BSPH1: variants seen among roughly 807,000 people sequenced by gnomAD.
The protein encoded by BSPH1 is binder of sperm protein homolog 1.
BSPH1 carries 21 observed loss-of-function variants against 22.5 expected under a neutral mutation model. The observed-to-expected ratio is 0.93, with a 90% CI of 0.66 to 1.35. The LOEUF (loss-of-function observed/expected upper bound fraction) is 1.35, where lower values mean the gene tolerates loss of function less well. BSPH1 is among the 40% of genes most tolerant of loss of function. BSPH1 has a pLI of 0.00. For synonymous variants in BSPH1, 42 were observed against 53.6 expected (o/e 0.78, Z 0.95); for missense variants, 141 against 154.2 (o/e 0.91, Z 0.45).
chr19:47,986,675 G>T (rs1022113746), intron 1 of BSPH1, among the ~76,000 whole-genome samples: 2 of 151,866 alleles, frequency 1.3e-5, no homozygotes, highest in Non-Finnish European at 2.9e-5. Context: ...AGCCTGGGAG[G>T]TCAAGACTGC....
chr19:47,977,524 T>G lies in BSPH1; in HGVS notation c.125-20A>C, dbSNP rs1220056633. 1.2e-5 allele frequency: 19 copies of G among 1,550,912 alleles called. No homozygotes were observed. The highest frequency in any genetic ancestry group is 1.7e-5 in the Non-Finnish European group (19 of 1,146,608). ...CCCCATCTAGAGAAAACAAAATTCT[T>G]CCTCTGTTTCTGGGTGTGTTAGGAG... On this transcript the variant is annotated intron_variant, in intron 3 of 5. Coordinates refer to ENST00000344839, the MANE Select transcript of BSPH1 (RefSeq NM_001128326.2).
chr19:47,981,544 A>AT (rs1969419964), intron 1 of BSPH1, among the ~76,000 whole-genome samples: 1 of 152,224 alleles, frequency 6.6e-6, no homozygotes, highest in Non-Finnish European at 1.5e-5. Context: ...GTTAGGTTCC[A>AT]TTAAATTAAA....
intron 1 of BSPH1, among the ~76,000 whole-genome samples, chr19:47,987,939 T>G (rs1969486437): frequency 6.6e-6 from 1 of 152,084 alleles, no homozygotes; most frequent in African/African-American, 2.4e-5. Context: ...GAGGTTGCAG[T>G]GTGCTGAGAT....
chr19:47,976,681 C>T (rs1445538781), intron 5 of BSPH1, 29 bp downstream of exon 5: 11 of 1,532,620 alleles, frequency 7.2e-6, no homozygotes, highest in South Asian at 1.2e-5. Flanking sequence ...GATTAAACGT[C>T]TTCATCCCCC....
intron 1 of BSPH1, among the ~76,000 whole-genome samples, chr19:47,985,712 A>G (rs1426686282): frequency 2.0e-5 from 3 of 151,834 alleles, no homozygotes; most frequent in African/African-American, 7.3e-5. Context: ...GTGTGCGCCT[A>G]TAATCCCAGC....
chr19:47,973,742 T>C (rs914930889), intron 5 of BSPH1, among the ~76,000 whole-genome samples: 2 of 152,304 alleles, frequency 1.3e-5, no homozygotes, highest in East Asian at 3.9e-4. Context: ...CGCCATCTTG[T>C]TCTTGTTCCC....
chr19:47,987,210 G>A (rs1969479221), intron 1 of BSPH1, among the ~76,000 whole-genome samples: 1 of 152,174 alleles, frequency 6.6e-6, no homozygotes, highest in Admixed American at 6.5e-5. Flanking sequence ...GGATGAAGAC[G>A]AAGAATTTGA....
At chr19:47,976,257 T>C (rs1969361652) in intron 5 of BSPH1, among the ~76,000 whole-genome samples, 1 of 152,144 alleles carries the variant, frequency 6.6e-6, no homozygotes, top group South Asian at 2.1e-4. Context: ...CCCGAGTAGC[T>C]GAGACTACAA....
intron 1 of BSPH1, among the ~76,000 whole-genome samples, chr19:47,990,809 C>T (rs953700710): frequency 1.3e-5 from 2 of 151,888 alleles, no homozygotes; most frequent in African/African-American, 2.4e-5. Flanking sequence ...ACAGGCAACA[C>T]GACTTTGGAA....
At chr19:47,976,121 A>G (rs1025644960) in intron 5 of BSPH1, among the ~76,000 whole-genome samples, 3 of 152,098 alleles carry the variant, frequency 2.0e-5, no homozygotes, top group African/African-American at 4.8e-5. Flanking sequence ...TTGACACATC[A>G]CTATCACCCA....
At chr19:47,974,661 C>A (rs149423273) in intron 5 of BSPH1, among the ~76,000 whole-genome samples, 380 of 152,044 alleles carry the variant, frequency 2.5e-3, no homozygotes, top group African/African-American at 8.7e-3. Flanking sequence ...CCTTTTTCTT[C>A]CTCCCTTGCT....
intron 1 of BSPH1, among the ~76,000 whole-genome samples, chr19:47,982,631 G>C (rs1969429366): frequency 6.6e-6 from 1 of 152,088 alleles, no homozygotes; most frequent in African/African-American, 2.4e-5. Flanking sequence ...TGAAAGCAGA[G>C]ACTCAAACAA....
intron 5 of BSPH1, among the ~76,000 whole-genome samples, chr19:47,975,506 T>C (rs1969353225): frequency 6.6e-6 from 1 of 152,242 alleles, no homozygotes; most frequent in South Asian, 2.1e-4. Flanking sequence ...CCCATCTTTG[T>C]TGCCCTTGTT....
chr19:47,971,034 TATG>T (rs751835736), intron 5 of BSPH1, among the ~76,000 whole-genome samples: 18 of 151,996 alleles, frequency 1.2e-4, no homozygotes, highest in Admixed American at 6.6e-4. Flanking sequence ...GGGAGAAAAA[TATG>T]GTGGTGGCAC....
chr19:47,969,163 T>C (rs747178050), intron 5 of BSPH1, among the ~76,000 whole-genome samples: 3 of 152,002 alleles, frequency 2.0e-5, no homozygotes, highest in Non-Finnish European at 4.4e-5. Context: ...ATTTGGCACG[T>C]TTTTTGAAGA....
intron 2 of BSPH1, among the ~76,000 whole-genome samples, chr19:47,980,715 CT>C (rs887406475): frequency 2.6e-5 from 4 of 152,096 alleles, no homozygotes; most frequent in African/African-American, 9.6e-5. Flanking sequence ...CGTGATCCCC[CT>C]GCCTCGGCCT....
intron 5 of BSPH1, among the ~76,000 whole-genome samples, chr19:47,968,754 T>G (rs1425395048): frequency 4.1e-5 from 6 of 146,918 alleles, no homozygotes; most frequent in Non-Finnish European, 8.9e-5. Context: ...ATCCCAGCAC[T>G]TTGGGAGGCT....
intron 1 of BSPH1, among the ~76,000 whole-genome samples, chr19:47,986,751 A>AAAAAAAT (rs141100552): frequency 4.0e-5 from 6 of 151,398 alleles, no homozygotes; most frequent in African/African-American, 7.3e-5. Context: ...TCTAAAAATA[A>AAAAAAAT]AATAAAATAA....
intron 2 of BSPH1, chr19:47,980,486 T>TC: frequency 2.7e-6 from 1 of 369,204 alleles, no homozygotes; most frequent in Non-Finnish European, 3.7e-6. Context: ...TCTTTTTTTT[T>TC]TTTTTTTTTT....
Sources: allele counts gnomAD v4.1 joint callset (sites outside exome capture counted in the v4.1 genomes callset), GRCh38; gene constraint gnomAD v4.1.1; transcripts MANE v1.5; gene names NCBI Gene and HGNC (gene_info 2026-07-23, HGNC 2026-07-21).